The following DNAJC13 variants were observed in gnomAD, a reference collection of about 807,000 sequenced individuals.
DNAJC13 encodes the protein dnaJ homolog subfamily C member 13.
A neutral mutation model predicts 290.5 loss-of-function variants in DNAJC13; 75 were observed. The ratio of observed to expected loss-of-function variants is 0.26; its 90% CI spans 0.21 to 0.31. DNAJC13 has a LOEUF of 0.31. Ranked by LOEUF, DNAJC13 falls within the 10% of genes least tolerant of loss-of-function variation. The pLI is 1.00. For missense variants in DNAJC13, 2,260 were observed against 2,674.5 expected (o/e 0.85, Z 3.42); for synonymous variants, 862 against 892.0 (o/e 0.97, Z 0.60).
intron 35 of DNAJC13, among the ~76,000 whole-genome samples, chr3:132,496,028 T>G (rs2107713270): frequency 6.6e-6 from 1 of 152,220 alleles, no homozygotes; most frequent in South Asian, 2.1e-4. Flanking sequence ...TGTAACAGTT[T>G]AAGAGCATGG....
chr3:132,514,719 G>A (rs1358808624), intron 46 of DNAJC13, 49 bp downstream of exon 46: 1 of 1,373,494 alleles, frequency 7.3e-7, no homozygotes, highest in Non-Finnish European at 1.0e-6. Context: ...TTAGCCCATG[G>A]AAAGGAGTTG....
At chr3:132,512,509 G>C (rs1935807064) in intron 44 of DNAJC13, among the ~76,000 whole-genome samples, 1 of 152,136 alleles carries the variant, frequency 6.6e-6, no homozygotes, top group African/African-American at 2.4e-5. Context: ...GAGGTGGGTA[G>C]GAATGGAAAT....
chr3:132,464,944 A>G (rs778979489), intron 17 of DNAJC13, among the ~76,000 whole-genome samples: 3 of 152,198 alleles, frequency 2.0e-5, no homozygotes, highest in South Asian at 2.1e-4. Flanking sequence ...CTGTCAATGT[A>G]TAATAGAAAT....
In DNAJC13 at chr3:132,525,745, C is replaced by A; in HGVS notation, c.6196C>A (p.Pro2066Thr). 1 of 1,614,136 alleles carries A rather than the reference C, an allele frequency of 6.2e-7. No individual in the cohort carries two copies. The highest frequency in any genetic ancestry group is 8.5e-7 in the Non-Finnish European group (1 of 1,179,992). The change falls in exon 52 of 56, where the codon CCT becomes ACT. Residue 2066 changes from proline to threonine, a missense_variant. Pro to Thr is a conservative substitution (Grantham distance 38). Around this residue, in one of 3 missense-constraint regions of DNAJC13, gnomAD observed 1,494 missense variants for 1,693.7 expected, o/e 0.88. Coordinates refer to ENST00000260818, the MANE Select transcript of DNAJC13 (RefSeq NM_015268.4). ...QAMNHRNNAI[P>T]KSAIRVIHAL... Reference sequence around the variant, plus strand: ...AATGAATCATAGGAACAATGCCATTCCTAAGAGTGCCATTCGGGTTATCCA... The same window carrying A: ...AATGAATCATAGGAACAATGCCATTACTAAGAGTGCCATTCGGGTTATCCA...
In DNAJC13 at chr3:132,457,280, G is replaced by A. The variant is rs146802049; in HGVS notation, c.1361G>A (p.Arg454His). ...AFTQLPKFRE[R>H]LGVKVVKALK... Reference sequence around the variant, plus strand: ...TTTTGTTCCAAAAGGTTTCGCGAGCGTCTAGGGGTGAAGGTAGTAAAAGCA... The same window carrying A: ...TTTTGTTCCAAAAGGTTTCGCGAGCATCTAGGGGTGAAGGTAGTAAAAGCA... The change falls in exon 13 of 56, where the codon CGT becomes CAT. Residue 454 changes from arginine (R) to histidine (H), a missense_variant. Arg to His is a conservative substitution (Grantham distance 29). Transcript: ENST00000260818. The A allele has an allele frequency of 1.1e-5, 17 of 1,608,792 alleles. No individual in the cohort carries two copies. Among genetic ancestry groups the A allele is most frequent in the African/African-American group, 2.7e-5 (2 of 74,512 alleles).
chr3:132,483,591 G>A lies in DNAJC13; in HGVS notation c.3182+14G>A, dbSNP rs759119807. On this transcript the variant is annotated intron_variant, in intron 28 of 55. Transcript: ENST00000260818. Reference sequence around the variant, plus strand: ...TTTTCCAAGCAGGTAAAATGTAATTGAATGTTTCCATGGTTAATTGATATG... The same window carrying A: ...TTTTCCAAGCAGGTAAAATGTAATTAAATGTTTCCATGGTTAATTGATATG... 6.2e-7 allele frequency: 1 copy of A among 1,611,366 alleles called. No homozygotes were observed. Among genetic ancestry groups the A allele is most frequent in the Non-Finnish European group, 8.5e-7 (1 of 1,177,642 alleles).
chr3:132,477,669 T>C (rs1934518744), intron 22 of DNAJC13, 120 bp from the exon 23 acceptor site: 1 of 680,660 alleles, frequency 1.5e-6, no homozygotes, highest in East Asian at 2.7e-5. Context: ...TTAACAATAT[T>C]GAATTAACAG....
chr3:132,500,474 C>G (rs1409760221), intron 38 of DNAJC13, among the ~76,000 whole-genome samples: 1 of 152,154 alleles, frequency 6.6e-6, no homozygotes, highest in African/African-American at 2.4e-5. Context: ...TTCATACAGT[C>G]TCTGTTACAT....
In DNAJC13 at chr3:132,465,811, AT is replaced by A. The variant is rs200085346; in HGVS notation, c.1893-183del. The stretch of plus-strand genomic sequence containing the variant: ...ATTTTAATTTTTAGAAAATTCCAAA[AT>A]ATTAGTAATATTTGAATTATAACTC... On this transcript the variant is annotated intron_variant, in intron 17 of 55. Coordinates refer to ENST00000260818, the MANE Select transcript of DNAJC13 (RefSeq NM_015268.4). Among the ~76,000 whole-genome samples the A allele has an allele frequency of 6.9e-3, 1,053 of 152,278 alleles. 20 individuals carry two copies. The highest frequency in any genetic ancestry group is 0.024 in the African/African-American group (977 of 41,566).
chr3:132,438,839 A>G (rs1159351580), intron 2 of DNAJC13, among the ~76,000 whole-genome samples: 1 of 152,208 alleles, frequency 6.6e-6, no homozygotes, highest in African/African-American at 2.4e-5. Flanking sequence ...ACTTGTATAG[A>G]CATAATTTAA....
At position 132,487,559 on chromosome 3, in the gene DNAJC13, A is replaced by ATTTTTTTTTTTTT. The variant is rs10663131; in HGVS notation, c.3268-731_3268-719dup. Among the ~76,000 whole-genome samples, 18 of 110,442 alleles carry ATTTTTTTTTTTTT rather than the reference A, an allele frequency of 1.6e-4. 5 individuals are homozygous for ATTTTTTTTTTTTT. Among genetic ancestry groups the ATTTTTTTTTTTTT allele is most frequent in the African/African-American group, 9.1e-4 (17 of 18,784 alleles). The allele number at this position is 110,442 out of a possible 152,430, so 72.5% of individuals were successfully genotyped here. A position where few individuals can be genotyped will look rare whatever the true frequency, so the allele number is the denominator to read the frequency against. On this transcript the variant is annotated intron_variant, in intron 29 of 55. Coordinates refer to ENST00000260818, the MANE Select transcript of DNAJC13 (RefSeq NM_015268.4). The stretch of plus-strand genomic sequence containing the variant: ...GCGTGAGCCACCATGCCTGGCTGTA[A>ATTTTTTTTTTTTT]TTTTTTTTTTTTTTTTTTTTACTGG...
chr3:132,514,918 T>C, intron 46 of DNAJC13: 1 of 195,414 alleles, frequency 5.1e-6, no homozygotes. Context: ...ATTTTCAGTT[T>C]GTTGAGATCT....
Position 132,478,773 on chromosome 3 carries a change from G to A in DNAJC13, c.2710-454G>A, listed in dbSNP as rs552397915. On this transcript the variant is annotated intron_variant, in intron 24 of 55. Transcript: ENST00000260818. ...CTCAAAAAAAATTTTTTTATTTTAAGAATTTGTCATTTAACATTTGAACAT... is the reference window on the plus strand; with the variant it reads ...CTCAAAAAAAATTTTTTTATTTTAAAAATTTGTCATTTAACATTTGAACAT... Among the ~76,000 whole-genome samples the A allele has an allele frequency of 4.6e-5, 7 of 152,232 alleles. No individual in the cohort carries two copies. The South Asian group carries it at 1.5e-3, about 32-fold the overall frequency.
rs1399175226 is a variant in DNAJC13 at position 132,478,112 on chromosome 3, C to T, written c.2681C>T (p.Thr894Ile). The change falls in exon 24 of 56, where the codon ACC (threonine) becomes ATC (isoleucine). Residue 894 changes from threonine (T) to isoleucine (I), a missense_variant. Coordinates refer to ENST00000260818, the MANE Select transcript of DNAJC13 (RefSeq NM_015268.4). Reference sequence around the variant, plus strand: ...GAAGAAATAGGACCTTTTACAGATACCAGATATATCATTGGAATGTTAGAG... The same window carrying T: ...GAAGAAATAGGACCTTTTACAGATATCAGATATATCATTGGAATGTTAGAG... ...CHEEIGPFTD[T>I]RYIIGMLERC... 15 of 1,610,838 alleles carry T rather than the reference C, an allele frequency of 9.3e-6. No individual in the cohort carries two copies. The Admixed American group carries it at 1.8e-4, about 20-fold the overall frequency.
rs929190884 is a variant in DNAJC13, at chr3:132,538,825, C to A, written c.*543C>A. 6.6e-6 allele frequency: 1 copy of A among 152,158 alleles called. No individual in the cohort carries two copies. The highest frequency in any genetic ancestry group is 1.5e-5 in the Non-Finnish European group (1 of 68,024). 9.4% of individuals were successfully genotyped at this position (152,158 alleles called of 1,614,324 possible). The stretch of plus-strand genomic sequence containing the variant: ...AGTACACATTAGTATGTATAACTGG[C>A]TTTACCAAATTGAATGAAAAGGAGC... On this transcript the variant is annotated 3_prime_UTR_variant, in exon 56 of 56. Transcript: ENST00000260818.
chr3:132,512,510 G>C (rs111560871), intron 44 of DNAJC13, among the ~76,000 whole-genome samples: 1 of 152,150 alleles, frequency 6.6e-6, no homozygotes, highest in Admixed American at 6.5e-5. Flanking sequence ...AGGTGGGTAG[G>C]AATGGAAATA....
intron 48 of DNAJC13, among the ~76,000 whole-genome samples, chr3:132,521,064 A>G (rs1172238697): frequency 6.6e-6 from 1 of 152,148 alleles, no homozygotes; most frequent in Non-Finnish European, 1.5e-5. Context: ...GATTCTTATG[A>G]GACAGCTAAG....
chr3:132,453,710 G>T lies in DNAJC13; in HGVS notation c.840+16G>T. ...TTTAGGAGAAGTAAGTTTCAGCATT[G>T]TTAGCTTAAATGAGATTTCTTTCTA... On this transcript the variant is annotated intron_variant, in intron 8 of 55. Transcript: ENST00000260818. The T allele has an allele frequency of 6.3e-7, 1 of 1,580,428 alleles. No individual in the cohort carries two copies.
At chr3:132,525,556 T>G in intron 51 of DNAJC13, 54 bp from the exon 52 acceptor site, 1 of 1,563,076 alleles carries the variant, frequency 6.4e-7, no homozygotes, top group South Asian at 1.2e-5. Flanking sequence ...ACCTTGGATA[T>G]TTAGGGCTGT....
Sources: allele counts gnomAD v4.1 joint callset (sites outside exome capture counted in the v4.1 genomes callset), GRCh38; gene constraint gnomAD v4.1.1; regional missense constraint gnomAD v4.1.1; transcripts MANE v1.5; gene names NCBI Gene and HGNC (gene_info 2026-07-23, HGNC 2026-07-21).